The following FARP1 variants were observed in gnomAD, a reference collection of about 807,000 sequenced individuals.
FARP1 encodes FERM, ARHGEF and pleckstrin domain-containing protein 1.
A neutral mutation model predicts 128.8 loss-of-function variants in FARP1; 52 were observed. The ratio of observed to expected loss-of-function variants is 0.40; its 90% CI spans 0.32 to 0.51. The LOEUF is 0.51. Among genes scored for constraint, FARP1 ranks in the 20% least tolerant of loss-of-function variants. The pLI is 0.45. For missense variants in FARP1, 1,333 were observed against 1,367.9 expected (o/e 0.97, Z 0.40); for synonymous variants, 580 against 551.8 (o/e 1.05, Z -0.72).
chr13:98,212,928 C>G (rs1232368764), intron 1 of FARP1, among the ~76,000 whole-genome samples: 5 of 152,252 alleles, frequency 3.3e-5, no homozygotes, highest in Non-Finnish European at 5.9e-5. Flanking sequence ...AAAAGTAGTG[C>G]CTAGCCTAGC....
At chr13:98,374,966 A>G (rs1055521791) in intron 5 of FARP1, among the ~76,000 whole-genome samples, 1 of 152,162 alleles carries the variant, frequency 6.6e-6, no homozygotes, top group Admixed American at 6.5e-5. Context: ...CCCCCAAGGG[A>G]GGTTATTAGT....
chr13:98,205,480 C>T (rs1880212874), intron 1 of FARP1, among the ~76,000 whole-genome samples: 1 of 151,536 alleles, frequency 6.6e-6, no homozygotes, highest in Non-Finnish European at 1.5e-5. Context: ...GCAAGCTCCA[C>T]CTCCCGGGTT....
intron 1 of FARP1, chr13:98,204,153 A>G (rs961391243): frequency 2.0e-5 from 3 of 152,264 alleles, no homozygotes; most frequent in Admixed American, 6.5e-5. Context: ...CTGACGATCA[A>G]TGGGGTGACA....
At chr13:98,383,379 C>T (rs1179853698) in intron 6 of FARP1, among the ~76,000 whole-genome samples, 2 of 152,150 alleles carry the variant, frequency 1.3e-5, no homozygotes, top group Non-Finnish European at 2.9e-5. Flanking sequence ...GTTGGTCTTT[C>T]GGATGATGAG....
chr13:98,328,961 C>T (rs1887357094), intron 2 of FARP1: 1 of 152,078 alleles, frequency 6.6e-6, no homozygotes, highest in South Asian at 2.1e-4. Context: ...TAACTGAAAC[C>T]AGAGAAAGCA....
chr13:98,233,576 T>A (rs1882263105), intron 2 of FARP1: 1 of 152,036 alleles, frequency 6.6e-6, no homozygotes, highest in Non-Finnish European at 1.5e-5. Context: ...AAGAGGAAAT[T>A]GTGTTTAAAT....
At chr13:98,150,627 G>A (rs1250913758) in intron 1 of FARP1, among the ~76,000 whole-genome samples, 1 of 152,148 alleles carries the variant, frequency 6.6e-6, no homozygotes. Flanking sequence ...AGTGTTGGAA[G>A]AATAGCACAT....
At position 98,387,181 on chromosome 13, in the gene FARP1, A is replaced by G. The variant is rs1890128830; in HGVS notation, c.760-1202A>G. Among the ~76,000 whole-genome samples the G allele has an allele frequency of 3.3e-5, 5 of 152,108 alleles. No homozygotes were observed. The South Asian group carries it at 1.0e-3, about 32-fold the overall frequency. ...CTGGGCATGATGGCGTGTACCTGTA[A>G]TCCCAGCTACTTGGAAGGCTGAGGC... On this transcript the variant is annotated intron_variant, in intron 8 of 26. Coordinates refer to ENST00000319562, the MANE Select transcript of FARP1 (RefSeq NM_005766.4).
At position 98,373,533 on chromosome 13, in the gene FARP1, G is replaced by GACAGACACAC. The variant is rs1349451618; in HGVS notation, c.399-4285_399-4284insGACACACACA. 1.4e-3 allele frequency among the ~76,000 whole-genome samples: 182 copies of GACAGACACAC among 131,056 alleles called. 1 individual carries two copies. Among genetic ancestry groups the GACAGACACAC allele is most frequent in the African/African-American group, 4.2e-3 (144 of 33,912 alleles). The allele number at this position is 131,056 out of a possible 152,430, so 86.0% of individuals were successfully genotyped here. A position where few individuals can be genotyped will look rare whatever the true frequency, so the allele number is the denominator to read the frequency against. ...TTGACTTTCCAGAGACAGACAGACA[G>GACAGACACAC]ACACACACACACACACACACACACA... is the stretch of plus-strand genomic sequence containing the variant. On this transcript the variant is annotated intron_variant, in intron 5 of 26. Transcript: ENST00000319562.
At chr13:98,243,982 T>C (rs1882923919) in intron 2 of FARP1, among the ~76,000 whole-genome samples, 1 of 152,136 alleles carries the variant, frequency 6.6e-6, no homozygotes, top group Non-Finnish European at 1.5e-5. Flanking sequence ...GCAAGTTTTC[T>C]CCCCTGAGCA....
chr13:98,249,296 G>A (rs924524863), intron 2 of FARP1, among the ~76,000 whole-genome samples: 5 of 152,106 alleles, frequency 3.3e-5, no homozygotes, highest in Admixed American at 6.5e-5. Flanking sequence ...TTACAACTTT[G>A]CCTTTGGAAA....
intron 16 of FARP1, 47 bp from the exon 17 acceptor site, chr13:98,424,525 G>A (rs776068742): frequency 2.4e-6 from 3 of 1,236,992 alleles, no homozygotes; most frequent in Admixed American, 1.7e-5. Flanking sequence ...GGGCTGTCAT[G>A]TCACTACTGA....
At chr13:98,437,211 T>A (rs1892305616) in intron 19 of FARP1, among the ~76,000 whole-genome samples, 2 of 152,230 alleles carry the variant, frequency 1.3e-5, no homozygotes, top group African/African-American at 4.8e-5. Flanking sequence ...AGCATTTTGC[T>A]CTATCACACA....
At chr13:98,306,152 A>C (rs1415703188) in intron 2 of FARP1, among the ~76,000 whole-genome samples, 1 of 152,250 alleles carries the variant, frequency 6.6e-6, no homozygotes, top group Admixed American at 6.5e-5. Context: ...GCAGTTACTT[A>C]CAGTTAACTA....
intron 2 of FARP1, among the ~76,000 whole-genome samples, chr13:98,268,092 C>G (rs1406627352): frequency 1.3e-5 from 2 of 152,190 alleles, no homozygotes; most frequent in African/African-American, 4.8e-5. Context: ...TATCCATTTA[C>G]ATTTTTAACT....
At chr13:98,177,504 G>A (rs1267006408) in intron 1 of FARP1, among the ~76,000 whole-genome samples, 1 of 152,066 alleles carries the variant, frequency 6.6e-6, no homozygotes, top group African/African-American at 2.4e-5. Context: ...AAAATTACCT[G>A]GGTGTGGTGG....
At chr13:98,204,161 A>G (rs1880125943) in intron 1 of FARP1, 1 of 152,264 alleles carries the variant, frequency 6.6e-6, no homozygotes, top group Admixed American at 6.5e-5. Flanking sequence ...CAATGGGGTG[A>G]CAGATGTCAC....
At chr13:98,243,565 G>A (rs934380308) in intron 2 of FARP1, among the ~76,000 whole-genome samples, 1 of 151,782 alleles carries the variant, frequency 6.6e-6, no homozygotes, top group Admixed American at 6.6e-5. Context: ...GGGCGTGGTG[G>A]TGGGCGCCTG....
At chr13:98,301,059 G>T (rs2139698849) in intron 2 of FARP1, among the ~76,000 whole-genome samples, 1 of 152,276 alleles carries the variant, frequency 6.6e-6, no homozygotes, top group African/African-American at 2.4e-5. Context: ...GACTGCTTTG[G>T]TTGTCATCTA....
Sources: allele counts gnomAD v4.1 joint callset (sites outside exome capture counted in the v4.1 genomes callset), GRCh38; gene constraint gnomAD v4.1.1; transcripts MANE v1.5; gene names NCBI Gene and HGNC (gene_info 2026-07-23, HGNC 2026-07-21).